The following RSPO1 variants were observed in gnomAD, a reference collection of about 807,000 sequenced individuals.
RSPO1 encodes the protein R-spondin 1.
RSPO1 carries 18 observed loss-of-function variants against 26.0 expected under a neutral mutation model. That is an observed-to-expected ratio of 0.69 (90% CI 0.48 to 1.03). The LOEUF (loss-of-function observed/expected upper bound fraction) is 1.03. Ranked by LOEUF, RSPO1 falls within the 50% of genes least tolerant of loss-of-function variation. The pLI is 0.00. For synonymous variants in RSPO1, 133 were observed against 137.4 expected (o/e 0.97, Z 0.22); for missense variants, 309 against 352.3 (o/e 0.88, Z 0.98).
intron 3 of RSPO1, among the ~76,000 whole-genome samples, chr1:37,617,661 C>CAAAAAAAAAAAAAAAA (rs34856591): frequency 1.4e-4 from 5 of 36,374 alleles, no homozygotes; most frequent in African/African-American, 5.8e-4. Context: ...GACTCCATCT[C>CAAAAAAAAAAAAAAAA]AAAAAAAAAA....
chr1:37,620,983 A>G (rs1337643895), intron 3 of RSPO1, among the ~76,000 whole-genome samples: 3 of 152,184 alleles, frequency 2.0e-5, no homozygotes, highest in Admixed American at 2.0e-4. Flanking sequence ...CGATGCTGCC[A>G]TACTCATTTA....
intron 1 of RSPO1, among the ~76,000 whole-genome samples, chr1:37,633,110 C>T (rs556194838): frequency 1.1e-4 from 17 of 152,360 alleles, no homozygotes; most frequent in South Asian, 2.1e-4. Flanking sequence ...GCCAGGTCTT[C>T]GTTTACTCCT....
intron 4 of RSPO1, 127 bp downstream of exon 4, chr1:37,616,357 C>T (rs991307750): frequency 1.1e-5 from 9 of 802,660 alleles, no homozygotes; most frequent in East Asian, 5.3e-5. Context: ...ATACTTGAAT[C>T]GGAGCCTCAT....
At chr1:37,624,355 C>T (rs1644246827) in intron 3 of RSPO1, among the ~76,000 whole-genome samples, 1 of 152,154 alleles carries the variant, frequency 6.6e-6, no homozygotes, top group African/African-American at 2.4e-5. Context: ...GGGCTGTAAG[C>T]CTGGCTGAGG....
chr1:37,615,971 A>G (rs1644104540), intron 4 of RSPO1, among the ~76,000 whole-genome samples: 1 of 152,176 alleles, frequency 6.6e-6, no homozygotes, highest in Non-Finnish European at 1.5e-5. Flanking sequence ...CAGAAGTGTG[A>G]TGAGATAGGT....
At chr1:37,623,800 G>A (rs1644238273) in intron 3 of RSPO1, among the ~76,000 whole-genome samples, 1 of 149,846 alleles carries the variant, frequency 6.7e-6, no homozygotes, top group Admixed American at 6.6e-5. Context: ...CACCCTGTTG[G>A]CCAGGCTGGA....
chr1:37,634,287 C>A lies in RSPO1; in HGVS notation c.-356+279G>T, dbSNP rs1177905855. On this transcript the variant is annotated intron_variant, in intron 1 of 6. Transcript: ENST00000356545. This position sits in a 1 kb window ranked among gnomAD's most constrained non-coding sequence, Gnocchi z 4.7. ...GGTGGACTTGGGGAATTCAGGACTG[C>A]GAGTGAGGATGATCACCCGGGGCTG... Among the ~76,000 whole-genome samples the A allele has an allele frequency of 6.6e-6, 1 of 152,094 alleles. No individual in the cohort carries two copies. The highest frequency in any genetic ancestry group is 1.5e-5 in the Non-Finnish European group (1 of 68,008).
At chr1:37,622,842 T>A (rs1273498043) in intron 3 of RSPO1, among the ~76,000 whole-genome samples, 2 of 151,894 alleles carry the variant, frequency 1.3e-5, no homozygotes, top group Non-Finnish European at 1.5e-5. Context: ...CAAACCACAG[T>A]GGGCTTCGGA....
Position 37,614,217 on chromosome 1 carries a change from C to G in RSPO1, c.403G>C (p.Ala135Pro), listed in dbSNP as rs1044986144. The G allele has an allele frequency of 3.7e-6, 6 of 1,613,172 alleles. No homozygotes were observed. The African/African-American group carries it at 8.0e-5, about 22-fold the overall frequency. ...CTGCACTCCATGGTGCCATTGGCAG[C>G]TGAGGAGCCCTCGGGACAAGCTGGA... ...CYPACPEGSS[A>P]ANGTMECSSP... The change falls in exon 5 of 7, where the codon GCT becomes CCT. Residue 135 changes from alanine to proline, a missense_variant. Ala to Pro is a conservative substitution (Grantham distance 27). Coordinates refer to ENST00000356545, the MANE Select transcript of RSPO1 (RefSeq NM_001242908.2).
chr1:37,619,124 G>A (rs1380480117), intron 3 of RSPO1, among the ~76,000 whole-genome samples: 2 of 152,244 alleles, frequency 1.3e-5, no homozygotes, highest in Non-Finnish European at 2.9e-5. Flanking sequence ...TCAGGTGGCT[G>A]AGGCAGGAGA....
At chr1:37,630,460 C>G (rs1024854311) in intron 2 of RSPO1, among the ~76,000 whole-genome samples, 3 of 152,250 alleles carry the variant, frequency 2.0e-5, no homozygotes, top group Non-Finnish European at 4.4e-5. Context: ...CTGCCTGGCC[C>G]TCTGGGCTTG....
At chr1:37,627,640 A>C (rs1035629070) in intron 3 of RSPO1, among the ~76,000 whole-genome samples, 2 of 141,692 alleles carry the variant, frequency 1.4e-5, no homozygotes, top group Non-Finnish European at 3.0e-5. Flanking sequence ...ACAGAGCAAG[A>C]CTCCATCACA....
intron 1 of RSPO1, among the ~76,000 whole-genome samples, chr1:37,633,536 G>T (rs1644391919): frequency 6.6e-6 from 1 of 152,174 alleles, no homozygotes. Flanking sequence ...CTCCATCAGG[G>T]GCCCGATACA....
chr1:37,625,000 C>A (rs1008711762), intron 3 of RSPO1, among the ~76,000 whole-genome samples: 10 of 152,230 alleles, frequency 6.6e-5, no homozygotes, highest in Non-Finnish European at 1.3e-4. Context: ...TCCTCTTGAG[C>A]CTGACCAACT....
chr1:37,632,695 C>T (rs565768846), intron 1 of RSPO1, among the ~76,000 whole-genome samples: 1 of 152,324 alleles, frequency 6.6e-6, no homozygotes, highest in East Asian at 1.9e-4. Context: ...CTGGACAGGT[C>T]TCGGACTAGG....
intron 4 of RSPO1, among the ~76,000 whole-genome samples, chr1:37,615,281 T>C (rs1644094090): frequency 6.6e-6 from 1 of 152,200 alleles, no homozygotes; most frequent in African/African-American, 2.4e-5. Flanking sequence ...GGTGCTCTGA[T>C]TCCTGGGTTT....
rs1017247390 is a variant in RSPO1 at position 37,619,633 on chromosome 1, T to C, written c.95-2958A>G. ...ATGGCGGCAGTGTGTTACTAAATGT[T>C]GAGCACTTACTCTGTGGCAGGCAAT... On this transcript the variant is annotated intron_variant, in intron 3 of 6. Transcript: ENST00000356545. Among the ~76,000 whole-genome samples, 81 of 152,360 alleles carry C rather than the reference T, an allele frequency of 5.3e-4. 1 individual carries two copies. The highest frequency in any genetic ancestry group is 1.9e-3 in the African/African-American group (79 of 41,582).
At chr1:37,617,074 G>T (rs989199959) in intron 3 of RSPO1, among the ~76,000 whole-genome samples, 2 of 152,188 alleles carry the variant, frequency 1.3e-5, no homozygotes, top group Non-Finnish European at 2.9e-5. Flanking sequence ...AAGGGCAAGA[G>T]GGATAAATAG....
At chr1:37,632,016 A>G (rs2148187806) in intron 2 of RSPO1, 1 of 152,330 alleles carries the variant, frequency 6.6e-6, no homozygotes, top group East Asian at 1.9e-4. Flanking sequence ...CTTACAGTTG[A>G]CAAACACTGC....
Sources: allele counts gnomAD v4.1 joint callset (sites outside exome capture counted in the v4.1 genomes callset), GRCh38; gene constraint gnomAD v4.1.1; non-coding constraint Gnocchi (gnomAD v3.1); transcripts MANE v1.5; gene names NCBI Gene and HGNC (gene_info 2026-07-23, HGNC 2026-07-21).